Variants in AHNAK2 observed in about 807,000 individuals in gnomAD.
AHNAK2 encodes the protein protein AHNAK2.
Under a neutral mutation model 30.7 loss-of-function variants are expected in AHNAK2, and 18 were observed. The observed-to-expected ratio is 0.59, with a 90% confidence interval of 0.41 to 0.87. The LOEUF is 0.87. Among genes scored for constraint, AHNAK2 ranks in the 40% least tolerant of loss-of-function variants. The pLI, the probability that AHNAK2 is intolerant of heterozygous loss-of-function variation, is 0.00. For synonymous variants in AHNAK2, 3,590 were observed against 3,073.8 expected, an observed-to-expected ratio of 1.17 and a Z score of -5.56; for missense variants, 8,604 against 7,373.0, an observed-to-expected ratio of 1.17 and a Z score of -6.11.
In AHNAK2 at chr14:104,942,644, C is replaced by G. The variant is rs1282324357; in HGVS notation, c.12807G>C (p.Glu4269Asp). The change falls in exon 7 of 7, where the codon GAG (glutamate) becomes GAC (aspartate). Residue 4269 changes from glutamate (E) to aspartate (D), a missense_variant. By Grantham distance (45) the Glu-to-Asp change is conservative. Coordinates refer to ENST00000333244, the MANE Select transcript of AHNAK2 (RefSeq NM_138420.4). The stretch of plus-strand genomic sequence containing the variant: ...CACTGTCCAGCTTGGCTCCCGGGGC[C>G]TCGACGTCCACCTCCATGCTGGGCA... ...VSLPSMEVDV[E>D]APGAKLDSVR... is the part of the protein sequence containing the mutation. 1.9e-6 allele frequency: 3 copies of G among 1,612,114 alleles called. No individual in the cohort carries two copies. Among genetic ancestry groups the G allele is most frequent in the Non-Finnish European group, 2.5e-6 (3 of 1,179,192 alleles).
In AHNAK2 at chr14:104,939,593, C is replaced by G; in HGVS notation, c.15858G>C (p.Gly5286=). 3.7e-6 allele frequency: 6 copies of G among 1,613,818 alleles called. No individual in the cohort carries two copies. The highest frequency in any genetic ancestry group is 4.2e-6 in the Non-Finnish European group (5 of 1,179,858). The change falls in exon 7 of 7, where the codon GGG becomes GGC. Residue 5286 remains glycine (G), a synonymous_variant. Coordinates refer to ENST00000333244, the MANE Select transcript of AHNAK2 (RefSeq NM_138420.4). The stretch of plus-strand genomic sequence containing the variant: ...AAGTGGAAAGCTCATCCCCAGTCAT[C>G]CCAGCAGTGGAGAGGTGCAGCTTCA... ...TGLKLHLSTA[G]MTGDELSTSE... is the part of the protein sequence containing the mutation.
In AHNAK2 at chr14:104,949,987, T is replaced by G; in HGVS notation, c.5464A>C (p.Lys1822Gln). 6.3e-7 allele frequency: 1 copy of G among 1,588,054 alleles called. No homozygotes were observed. The highest frequency in any genetic ancestry group is 8.6e-7 in the Non-Finnish European group (1 of 1,163,382). The change falls in exon 7 of 7, where the codon AAG becomes CAG. Residue 1822 changes from lysine to glutamine, a missense_variant. Lys to Gln is a moderately conservative substitution (Grantham distance 53). Transcript: ENST00000333244. Reference protein sequence around the residue: ...ADKDVTAKDSKFKMPKFKMPS... With the variant: ...ADKDVTAKDSQFKMPKFKMPS... ...ATCTTGAACTTGGGCATTTTGAACT[T>G]GCTGTCTTTGGCAGTCACATCCTTG... is the stretch of plus-strand genomic sequence containing the variant.
Position 104,942,983 on chromosome 14 carries a change from C to T in AHNAK2, c.12468G>A (p.Val4156=). 2 of 1,613,244 alleles carry T rather than the reference C, an allele frequency of 1.2e-6. No individual in the cohort carries two copies. The highest frequency in any genetic ancestry group is 2.2e-5 in the East Asian group (1 of 44,804). The change falls in exon 7 of 7, where the codon GTG becomes GTA. Residue 4156 remains valine (V), a synonymous_variant. Coordinates refer to ENST00000333244, the MANE Select transcript of AHNAK2 (RefSeq NM_138420.4). ...CTTTCGCCTTCAGCTCAGACACATC[C>T]ACGGACGCCTCCATGGACTTGCCTG... ...SAPGKSMEAS[V]DVSELKAKAD...
rs1898886760 is a variant in AHNAK2 at position 104,953,963 on chromosome 14, A to C, written c.1488T>G (p.Phe496Leu). The change falls in exon 7 of 7, where the codon TTT becomes TTG. Residue 496 changes from phenylalanine to leucine, a missense_variant. Transcript: ENST00000333244. ...CTCTTTCTGGCTCTTTTTCTGTGGA[A>C]AATGCAAATTTTGGTGTCTTTAAAT... ...VHDLKTPKFA[F>L]STEKEPERER... 6.2e-7 allele frequency: 1 copy of C among 1,613,876 alleles called. No individual in the cohort carries two copies. Among genetic ancestry groups the C allele is most frequent in the Non-Finnish European group, 8.5e-7 (1 of 1,179,880 alleles).
intron 1 of AHNAK2, among the ~76,000 whole-genome samples, chr14:104,962,275 T>C (rs1039727762): frequency 1.3e-5 from 2 of 152,194 alleles, no homozygotes; most frequent in African/African-American, 2.4e-5. Context: ...GAAACCTGTC[T>C]TGACGAATTT....
Position 104,947,247 on chromosome 14 carries a change from T to C in AHNAK2, c.8204A>G (p.Gln2735Arg). 1 of 1,611,698 alleles carries C rather than the reference T, an allele frequency of 6.2e-7. No homozygotes were observed. The highest frequency in any genetic ancestry group is 1.4e-5 in the African/African-American group (1 of 74,010). The change falls in exon 7 of 7, where the codon CAG becomes CGG. Residue 2735 changes from glutamine (Q) to arginine (R), a missense_variant. Coordinates refer to ENST00000333244, the MANE Select transcript of AHNAK2 (RefSeq NM_138420.4). ...AGLKGHLPKL[Q>R]MPSFKMPEVD... The stretch of plus-strand genomic sequence containing the variant: ...TTCAGGCATCTTGAAACTGGGCATC[T>C]GCAGCTTGGGCAGGTGCCCTTTGAG...
intron 1 of AHNAK2, among the ~76,000 whole-genome samples, chr14:104,970,974 C>T (rs1899457502): frequency 6.6e-6 from 1 of 152,114 alleles, no homozygotes; most frequent in African/African-American, 2.4e-5. Context: ...GGGCCAGTGA[C>T]CTTGGGGCCT....
At position 104,947,002 on chromosome 14, in the gene AHNAK2, T is replaced by G; in HGVS notation, c.8449A>C (p.Lys2817Gln). The G allele has an allele frequency of 6.2e-7, 1 of 1,612,200 alleles. No homozygotes were observed. Among genetic ancestry groups the G allele is most frequent in the Non-Finnish European group, 8.5e-7 (1 of 1,179,526 alleles). Residue 2817 changes from lysine to glutamine, a missense_variant, in exon 7 of 7, where the codon AAG becomes CAG. Transcript: ENST00000333244. ...TAKDSKFKMP[K>Q]FKMPSFGVSA... is the part of the protein sequence containing the mutation. ...ACCCCGAATGACGGCATCTTGAACT[T>G]GGGCATTTTGAACTTGCTGTCTTTG...
In AHNAK2 at chr14:104,952,479, A is replaced by C. The variant is rs1398022179; in HGVS notation, c.2972T>G (p.Val991Gly). 1.2e-6 allele frequency: 2 copies of C among 1,612,300 alleles called. No homozygotes were observed. Residue 991 changes from valine (V) to glycine (G), a missense_variant, in exon 7 of 7, where the codon GTG becomes GGG. Transcript: ENST00000333244. ...TTTGAACTTGCTGTCTTTGGCAGTC[A>C]CGTCCTTGTCGGCCAGGGACAGGTC... Reference protein sequence around the residue: ...EGDLSLADKDVTAKDSKFKMP... With the variant: ...EGDLSLADKDGTAKDSKFKMP...
Position 104,940,712 on chromosome 14 carries a change from G to A in AHNAK2, c.14739C>T (p.Ser4913=). Residue 4913 remains serine (S), a synonymous_variant, in exon 7 of 7, where the codon TCC becomes TCT. Transcript: ENST00000333244. This position sits in a 1 kb window ranked among gnomAD's most constrained non-coding sequence, Gnocchi z 4.4. ...GGCCCTGAGACACACAGGTGCCTGG[G>A]GATGGCAGCTGGGTGCTTGGCAAGG... is the stretch of plus-strand genomic sequence containing the variant. ...QCPLPSTQLP[S]PGTCVSQGPE... The A allele has an allele frequency of 1.2e-6, 2 of 1,612,956 alleles. No individual in the cohort carries two copies. Among genetic ancestry groups the A allele is most frequent in the South Asian group, 2.2e-5 (2 of 91,074 alleles).
rs371322778 is a variant in AHNAK2, at chr14:104,945,343, C to G, written c.10108G>C (p.Gly3370Arg). Residue 3370 changes from glycine to arginine, a missense_variant, in exon 7 of 7, where the codon GGC (glycine) becomes CGC (arginine). Transcript: ENST00000333244. Reference sequence around the variant, plus strand: ...TCCGGGAGCTTCACGTCCACCTGGCCAGCCTGGACCTCCAGGTCCACAGAA... The same window carrying G: ...TCCGGGAGCTTCACGTCCACCTGGCGAGCCTGGACCTCCAGGTCCACAGAA... ...LPSVDLEVQA[G>R]QVDVKLPEGH... 165 of 1,612,766 alleles carry G rather than the reference C, an allele frequency of 1.0e-4. 1 individual carries two copies. In the Middle Eastern group the frequency reaches 1.5e-3, roughly 14 times the overall value.
At chr14:104,956,800 T>G (rs565480388) in intron 3 of AHNAK2, 111 bp from the exon 4 acceptor site, 18 of 969,506 alleles carry the variant, frequency 1.9e-5, no homozygotes, top group Non-Finnish European at 1.6e-6. Flanking sequence ...GGCCCAGAAC[T>G]TCCAACACAC....
In AHNAK2 at chr14:104,955,139, C is replaced by T. The variant is rs182815735; in HGVS notation, c.469G>A (p.Asp157Asn). 5 of 1,603,160 alleles carry T rather than the reference C, an allele frequency of 3.1e-6. No individual in the cohort carries two copies. The highest frequency in any genetic ancestry group is 1.7e-4 in the Middle Eastern group (1 of 6,042). The change falls in exon 6 of 7, where the codon GAT becomes AAT. Residue 157 changes from aspartate (D) to asparagine (N), a missense_variant and splice_region_variant. Asp to Asn is a conservative substitution (Grantham distance 23). Transcript: ENST00000333244. ...AACACGGTTGTACTGAGCAGCTGAT[C>T]CCCTAGACCAAGAAAGAGCAGCCCC... ...AAKLFNLREG[D>N]QLLSTTVFFE... is the part of the protein sequence containing the mutation.
chr14:104,941,348 T>A lies in AHNAK2; in HGVS notation c.14103A>T (p.Lys4701Asn). ...GEVGMDSKFK[K>N]LHFKVPKVSF... Reference sequence around the variant, plus strand: ...AAACTTTGGGCACTTTAAAATGCAGTTTCTTAAACTTCGAATCCATTCCAA... The same window carrying A: ...AAACTTTGGGCACTTTAAAATGCAGATTCTTAAACTTCGAATCCATTCCAA... Residue 4701 changes from lysine to asparagine, a missense_variant, in exon 7 of 7, where the codon AAA becomes AAT. Physicochemically the swap from Lys to Asn is moderately conservative, Grantham distance 94. Coordinates refer to ENST00000333244, the MANE Select transcript of AHNAK2 (RefSeq NM_138420.4). The A allele has an allele frequency of 6.2e-7, 1 of 1,613,486 alleles. No individual in the cohort carries two copies. The highest frequency in any genetic ancestry group is 8.5e-7 in the Non-Finnish European group (1 of 1,179,882).
In AHNAK2 at chr14:104,952,092, G is replaced by A. The variant is rs1421252850; in HGVS notation, c.3359C>T (p.Pro1120Leu). Reference protein sequence around the residue: ...LKSPKAEVTAPDVEVSLPSVE... With the variant: ...LKSPKAEVTALDVEVSLPSVE... ...GCTGGGCAGAGACACCTCCACATCA[G>A]GGGCTGTGACTTCCGCCTTGGGGCT... Residue 1120 changes from proline (P) to leucine (L), a missense_variant, in exon 7 of 7, where the codon CCT becomes CTT. Coordinates refer to ENST00000333244, the MANE Select transcript of AHNAK2 (RefSeq NM_138420.4). 6.2e-7 allele frequency: 1 copy of A among 1,612,668 alleles called. No individual in the cohort carries two copies. The highest frequency in any genetic ancestry group is 1.7e-5 in the Admixed American group (1 of 59,942).
chr14:104,966,181 G>A lies in AHNAK2; in HGVS notation c.56-8509C>T, dbSNP rs2140879202. 6.6e-6 allele frequency among the ~76,000 whole-genome samples: 1 copy of A among 152,218 alleles called. No individual in the cohort carries two copies. Among genetic ancestry groups the A allele is most frequent in the South Asian group, 2.1e-4 (1 of 4,826 alleles). On this transcript the variant is annotated intron_variant, in intron 1 of 6. Coordinates refer to ENST00000333244, the MANE Select transcript of AHNAK2 (RefSeq NM_138420.4). This position sits in a 1 kb window ranked among gnomAD's most constrained non-coding sequence, Gnocchi z 4.3. ...AGGAGGTGAGGGCAGGCAGGGCTGG[G>A]TCAGTGCCAGGAGGCATCAACACTC...
In AHNAK2 at chr14:104,952,904, G is replaced by A; in HGVS notation, c.2547C>T (p.Gly849=). The A allele has an allele frequency of 1.2e-6, 2 of 1,611,180 alleles. No homozygotes were observed. The highest frequency in any genetic ancestry group is 1.7e-6 in the Non-Finnish European group (2 of 1,179,140). Residue 849 remains glycine, a synonymous_variant, in exon 7 of 7, where the codon GGC becomes GGT. Transcript: ENST00000333244. The part of the protein sequence containing the change: ...KMPSFGVSAP[G]KSMEDSVDVS... Reference sequence around the variant, plus strand: ...CATCCACCGAGTCCTCCATGGACTTGCCTGGGGCCGACACCCCGAATGATG... The same window carrying A: ...CATCCACCGAGTCCTCCATGGACTTACCTGGGGCCGACACCCCGAATGATG...
Position 104,942,412 on chromosome 14 carries a change from T to G in AHNAK2, c.13039A>C (p.Ser4347Arg), listed in dbSNP as rs372744634. The G allele has an allele frequency of 2.5e-5, 41 of 1,611,238 alleles. No individual in the cohort carries two copies. The African/African-American group carries it at 5.0e-4, about 20-fold the overall frequency. The change falls in exon 7 of 7, where the codon AGC becomes CGC. Residue 4347 changes from serine to arginine, a missense_variant. By Grantham distance (110) the Ser-to-Arg change is moderately radical. Coordinates refer to ENST00000333244, the MANE Select transcript of AHNAK2 (RefSeq NM_138420.4). ...MQGDLKTTHL[S>R]IQPPSADLEV... ...AGATCAGCGGAAGGGGGCTGAATGC[T>G]GAGGTGAGTGGTCTTCAGGTCCCCC... is the stretch of plus-strand genomic sequence containing the variant.
At chr14:104,975,001 G>A (rs972213314) in intron 1 of AHNAK2, among the ~76,000 whole-genome samples, 4 of 152,218 alleles carry the variant, frequency 2.6e-5, no homozygotes, top group African/African-American at 4.8e-5. Flanking sequence ...GACACAGAGC[G>A]GGCCAGAGTC....
Sources: allele counts gnomAD v4.1 joint callset (sites outside exome capture counted in the v4.1 genomes callset), GRCh38; gene constraint gnomAD v4.1.1; non-coding constraint Gnocchi (gnomAD v3.1); transcripts MANE v1.5; gene names NCBI Gene and HGNC (gene_info 2026-07-23, HGNC 2026-07-21).